Variants in RBPMS observed in about 807,000 individuals in gnomAD.
The protein encoded by RBPMS is RNA binding protein, mRNA processing factor.
In RBPMS, 7 loss-of-function variants were observed where a neutral mutation model predicts 26.8. That is an observed-to-expected ratio of 0.26 (90% confidence interval 0.15 to 0.49). The LOEUF (loss-of-function observed/expected upper bound fraction) is 0.49, where lower values mean the gene tolerates loss of function less well. RBPMS is among the 20% of genes least tolerant of loss of function. The pLI is 0.98. For missense variants in RBPMS, 186 were observed against 250.0 expected, an observed-to-expected ratio of 0.74 and a Z score of 1.73; for synonymous variants, 96 against 93.3, an observed-to-expected ratio of 1.03 and a Z score of -0.17.
At chr8:30,502,139 CT>C (rs34541775) in intron 4 of RBPMS, among the ~76,000 whole-genome samples, 45 of 132,008 alleles carry the variant, frequency 3.4e-4, no homozygotes, top group Admixed American at 3.9e-4. Context: ...AACTTCTGAG[CT>C]TTTTTTTTTT....
intron 1 of RBPMS, among the ~76,000 whole-genome samples, chr8:30,429,741 T>C (rs998429880): frequency 6.6e-6 from 1 of 152,216 alleles, no homozygotes; most frequent in Non-Finnish European, 1.5e-5. Context: ...CAATAAATTG[T>C]GCTATTATCT....
intron 4 of RBPMS, among the ~76,000 whole-genome samples, chr8:30,503,418 A>ATT (rs1368108580): frequency 4.5e-4 from 66 of 145,218 alleles, no homozygotes; most frequent in African/African-American, 1.5e-3. Flanking sequence ...CGCCCAGCTA[A>ATT]TTTTTTTTTT....
intron 5 of RBPMS, among the ~76,000 whole-genome samples, chr8:30,538,948 G>A (rs567829659): frequency 2.0e-5 from 3 of 152,250 alleles, no homozygotes; most frequent in Admixed American, 1.3e-4. Context: ...GGGAGCTGGC[G>A]TGGGCTACAT....
At chr8:30,479,213 G>A in intron 3 of RBPMS, 102 bp from the exon 4 acceptor site, 2 of 840,254 alleles carry the variant, frequency 2.4e-6, no homozygotes, top group South Asian at 3.0e-5. Flanking sequence ...ATTGCCTGTG[G>A]TCATTTCTTT....
At chr8:30,513,563 G>A (rs1821955799) in intron 5 of RBPMS, among the ~76,000 whole-genome samples, 1 of 143,586 alleles carries the variant, frequency 7.0e-6, no homozygotes, top group Admixed American at 7.2e-5. Flanking sequence ...ACTCCAGCCT[G>A]GGCGACACAG....
chr8:30,444,453 G>A (rs1480158170), intron 1 of RBPMS, among the ~76,000 whole-genome samples: 1 of 152,176 alleles, frequency 6.6e-6, no homozygotes, highest in Non-Finnish European at 1.5e-5. Context: ...TGGAGTTGTG[G>A]ATTAGAGGTT....
At chr8:30,549,739 T>C (rs914535187) in intron 6 of RBPMS, among the ~76,000 whole-genome samples, 3 of 99,270 alleles carry the variant, frequency 3.0e-5, no homozygotes, top group Non-Finnish European at 4.4e-5. Flanking sequence ...TCTTTCTTTC[T>C]TTCTTTCTTT....
At chr8:30,451,836 C>CG in intron 1 of RBPMS, among the ~76,000 whole-genome samples, 1 of 152,206 alleles carries the variant, frequency 6.6e-6, no homozygotes, top group South Asian at 2.1e-4. Context: ...GACTGGGGGA[C>CG]GGCAGGCAAA....
intron 5 of RBPMS, among the ~76,000 whole-genome samples, chr8:30,543,471 G>A (rs1254054515): frequency 6.6e-6 from 1 of 152,208 alleles, no homozygotes; most frequent in African/African-American, 2.4e-5. Context: ...GAATGGCAGA[G>A]TTACTAATGA....
intron 4 of RBPMS, among the ~76,000 whole-genome samples, chr8:30,491,119 C>A (rs1819344699): frequency 6.6e-6 from 1 of 152,092 alleles, no homozygotes; most frequent in Non-Finnish European, 1.5e-5. Context: ...AGTGACATCT[C>A]CCCCAACCCT....
At chr8:30,443,267 T>C (rs970205826) in intron 1 of RBPMS, among the ~76,000 whole-genome samples, 1 of 152,230 alleles carries the variant, frequency 6.6e-6, no homozygotes, top group African/African-American at 2.4e-5. Context: ...CTATTTTAAA[T>C]AGTTTTTTAA....
At chr8:30,547,622 G>A (rs1170077309) in intron 6 of RBPMS, 1 of 690,882 alleles carries the variant, frequency 1.4e-6, no homozygotes, top group African/African-American at 1.9e-5. Flanking sequence ...GTGACACCAA[G>A]TCTATTTTAC....
chr8:30,557,264 G>A (rs900557915), intron 6 of RBPMS, among the ~76,000 whole-genome samples: 9 of 152,226 alleles, frequency 5.9e-5, no homozygotes, highest in East Asian at 1.9e-4. Context: ...AGAACCGCTC[G>A]TGAGGAGGCC....
intron 5 of RBPMS, among the ~76,000 whole-genome samples, chr8:30,533,422 G>A (rs1365691275): frequency 6.6e-6 from 1 of 152,236 alleles, no homozygotes; most frequent in African/African-American, 2.4e-5. Context: ...AAATAGGAGA[G>A]TTTGGAAAAG....
rs543602775 is a variant in RBPMS at position 30,542,028 on chromosome 8, T to G, written c.398-2466T>G. 3.3e-5 allele frequency among the ~76,000 whole-genome samples: 5 copies of G among 152,336 alleles called. No homozygotes were observed. In the South Asian group the frequency reaches 1.0e-3, roughly 32 times the overall value. On this transcript the variant is annotated intron_variant, in intron 5 of 8. Transcript: ENST00000397323. ...GTCAGACCACGTATCTTTTGATGTT[T>G]ATGGTAATTCCACATTCCTTCATGA...
chr8:30,511,071 GGAGGCC>G (rs1821538237), intron 5 of RBPMS, among the ~76,000 whole-genome samples: 1 of 152,060 alleles, frequency 6.6e-6, no homozygotes, highest in Non-Finnish European at 1.5e-5. Flanking sequence ...CAGCACTTTG[GGAGGCC>G]GAGGTGATCT....
At chr8:30,487,226 GTCT>G (rs983464571) in intron 4 of RBPMS, among the ~76,000 whole-genome samples, 3 of 146,164 alleles carry the variant, frequency 2.1e-5, no homozygotes, top group African/African-American at 2.4e-5. Flanking sequence ...TTAAATCACT[GTCT>G]TCTTTGTTCT....
chr8:30,413,445 A>T (rs987353383), intron 1 of RBPMS, among the ~76,000 whole-genome samples: 1 of 151,980 alleles, frequency 6.6e-6, no homozygotes, highest in African/African-American at 2.4e-5. Context: ...CCTTGAGGTC[A>T]AGTAAAATAA....
chr8:30,434,179 C>T (rs1812211317), intron 1 of RBPMS, among the ~76,000 whole-genome samples: 1 of 151,866 alleles, frequency 6.6e-6, no homozygotes, highest in Non-Finnish European at 1.5e-5. Context: ...GTGACTTTAT[C>T]CTTCTAAGGT....
Sources: allele counts gnomAD v4.1 joint callset (sites outside exome capture counted in the v4.1 genomes callset), GRCh38; gene constraint gnomAD v4.1.1; transcripts MANE v1.5; gene names NCBI Gene and HGNC (gene_info 2026-07-23, HGNC 2026-07-21).